ATXN7L1: variants seen among roughly 807,000 people sequenced by gnomAD.
ATXN7L1 encodes ataxin 7 like 1.
In ATXN7L1, 15 loss-of-function variants were observed where a neutral mutation model predicts 70.8. The ratio of observed to expected loss-of-function variants is 0.21; its 90% confidence interval spans 0.14 to 0.33. The LOEUF (loss-of-function observed/expected upper bound fraction) is 0.33, where lower values mean the gene tolerates loss of function less well. Ranked by LOEUF, ATXN7L1 falls within the 10% of genes least tolerant of loss-of-function variation. The pLI is 1.00. For missense variants in ATXN7L1, 975 were observed against 1,097.1 expected, an observed-to-expected ratio of 0.89 and a Z score of 1.57; for synonymous variants, 440 against 445.1, an observed-to-expected ratio of 0.99 and a Z score of 0.14.
intron 3 of ATXN7L1, among the ~76,000 whole-genome samples, chr7:105,775,524 C>G (rs996337593): frequency 6.6e-6 from 1 of 152,100 alleles, no homozygotes; most frequent in Admixed American, 6.6e-5. Context: ...GAGAATACTC[C>G]GAGGGCCTCC....
chr7:105,841,212 GGA>G (rs1563135951), intron 2 of ATXN7L1, among the ~76,000 whole-genome samples: 2 of 152,196 alleles, frequency 1.3e-5, no homozygotes, highest in African/African-American at 4.8e-5. Flanking sequence ...AAGGCCACAT[GGA>G]GCAGAGCATG....
intron 3 of ATXN7L1, among the ~76,000 whole-genome samples, chr7:105,684,031 T>G (rs188571426): frequency 1.5e-3 from 233 of 152,296 alleles, no homozygotes; most frequent in African/African-American, 5.4e-3. Context: ...CTGCCAGGCA[T>G]AGCTTCACTG....
At chr7:105,865,110 A>G (rs1310166766) in intron 2 of ATXN7L1, among the ~76,000 whole-genome samples, 1 of 152,230 alleles carries the variant, frequency 6.6e-6, no homozygotes, top group East Asian at 1.9e-4. Flanking sequence ...GCAGCTCTTA[A>G]GACAAAGGCG....
At chr7:105,794,100 T>C (rs1031846033) in intron 2 of ATXN7L1, among the ~76,000 whole-genome samples, 9 of 152,130 alleles carry the variant, frequency 5.9e-5, no homozygotes, top group African/African-American at 2.2e-4. Flanking sequence ...CTCTATTCTA[T>C]TTCATTTAAA....
chr7:105,678,181 T>C (rs1805007878), intron 3 of ATXN7L1, among the ~76,000 whole-genome samples: 1 of 152,042 alleles, frequency 6.6e-6, no homozygotes, highest in South Asian at 2.1e-4. Flanking sequence ...AAACAAACTT[T>C]TTACATGATT....
At chr7:105,868,281 G>A (rs756230597) in intron 2 of ATXN7L1, among the ~76,000 whole-genome samples, 4 of 152,160 alleles carry the variant, frequency 2.6e-5, no homozygotes, top group Admixed American at 6.5e-5. Context: ...CGGTCTACCT[G>A]TACTTTCGCC....
chr7:105,660,523 C>A (rs924628943), intron 4 of ATXN7L1, among the ~76,000 whole-genome samples: 50 of 148,034 alleles, frequency 3.4e-4, no homozygotes, highest in Admixed American at 6.1e-4. Context: ...TAATTCCATT[C>A]TCTTTGTCTA....
chr7:105,788,752 A>AGTCTCAGAAG, intron 2 of ATXN7L1, 44 bp from the exon 3 acceptor site: 1 of 1,460,694 alleles, frequency 6.8e-7, no homozygotes, highest in Non-Finnish European at 9.6e-7. Flanking sequence ...AAAGCAATTA[A>AGTCTCAGAAG]GTCTCAGAAG....
intron 3 of ATXN7L1, among the ~76,000 whole-genome samples, chr7:105,690,572 C>T (rs1790651035): frequency 6.6e-6 from 1 of 152,188 alleles, no homozygotes; most frequent in Non-Finnish European, 1.5e-5. Context: ...TCGTCTTCTC[C>T]TTCTTTTGCG....
intron 3 of ATXN7L1, among the ~76,000 whole-genome samples, chr7:105,733,548 ATCCAT>A (rs1796864791): frequency 6.5e-5 from 9 of 137,778 alleles, no homozygotes; most frequent in African/African-American, 2.5e-4. Context: ...CCACCCATCC[ATCCAT>A]CCACCCATCC....
intron 3 of ATXN7L1, among the ~76,000 whole-genome samples, chr7:105,768,532 T>C (rs888696275): frequency 6.6e-6 from 1 of 152,246 alleles, no homozygotes; most frequent in South Asian, 2.1e-4. Flanking sequence ...AGGTTATCAA[T>C]GCTTAGCTTT....
chr7:105,757,578 A>ATTT (rs34846815), intron 3 of ATXN7L1, among the ~76,000 whole-genome samples: 2 of 62,436 alleles, frequency 3.2e-5, no homozygotes, highest in Non-Finnish European at 3.1e-5. Flanking sequence ...ACCTTTCTGT[A>ATTT]TTTTTTTTTT....
intron 4 of ATXN7L1, among the ~76,000 whole-genome samples, chr7:105,646,286 C>A (rs951864726): frequency 3.3e-5 from 5 of 152,012 alleles, no homozygotes; most frequent in South Asian, 2.1e-4. Context: ...CAGAGCAAGA[C>A]CCTGTCTCAA....
chr7:105,697,456 C>T (rs952499412), intron 3 of ATXN7L1, among the ~76,000 whole-genome samples: 1 of 152,236 alleles, frequency 6.6e-6, no homozygotes, highest in Admixed American at 6.5e-5. Context: ...CCCGGCTCAC[C>T]TGCGGTCAGA....
intron 11 of ATXN7L1, among the ~76,000 whole-genome samples, chr7:105,608,760 A>G (rs939143813): frequency 6.6e-6 from 1 of 152,182 alleles, no homozygotes; most frequent in Admixed American, 6.5e-5. Context: ...TTTCCCCATA[A>G]TCTTTACCCA....
At chr7:105,677,956 G>A in intron 3 of ATXN7L1, 1 of 985,392 alleles carries the variant, frequency 1.0e-6, no homozygotes. Context: ...CCCACAGACT[G>A]TCGTGGTCCC....
intron 4 of ATXN7L1, among the ~76,000 whole-genome samples, chr7:105,658,613 C>T (rs1488291482): frequency 6.6e-6 from 1 of 150,694 alleles, no homozygotes; most frequent in Non-Finnish European, 1.5e-5. Context: ...TCGCCGCAAC[C>T]TCTGCCTCCC....
intron 3 of ATXN7L1, among the ~76,000 whole-genome samples, chr7:105,737,267 CTT>C (rs905797577): frequency 6.6e-5 from 10 of 152,204 alleles, no homozygotes; most frequent in African/African-American, 2.2e-4. Flanking sequence ...GTGATTAAAT[CTT>C]CTTTCTCACT....
chr7:105,697,913 G>C (rs938326088), intron 3 of ATXN7L1, among the ~76,000 whole-genome samples: 1 of 152,162 alleles, frequency 6.6e-6, no homozygotes, highest in African/African-American at 2.4e-5. Context: ...ATACTCCTCC[G>C]AGCGAAGGCA....
Sources: gnomAD v4.1 joint callset for allele counts (sites outside exome capture counted in the v4.1 genomes callset) on GRCh38, gnomAD v4.1.1 for gene constraint, MANE v1.5 for transcripts, NCBI Gene and HGNC (gene_info 2026-07-23, HGNC 2026-07-21) for gene names.